The following SLC5A9 variants were observed in gnomAD, a reference collection of about 807,000 sequenced individuals.
SLC5A9 encodes the protein solute carrier family 5 member 9, also known as sodium/glucose cotransporter 4.
SLC5A9 carries 59 observed loss-of-function variants against 70.9 expected under a neutral mutation model. The observed-to-expected ratio is 0.83, with a 90% CI of 0.68 to 1.03. SLC5A9 has a LOEUF of 1.03. Among genes scored for constraint, SLC5A9 ranks in the 50% least tolerant of loss-of-function variants. SLC5A9 has a pLI of 0.00. For synonymous variants in SLC5A9, 340 were observed against 346.5 expected (o/e 0.98, Z 0.21); for missense variants, 832 against 881.1 (o/e 0.94, Z 0.71).
intron 13 of SLC5A9, among the ~76,000 whole-genome samples, chr1:48,244,855 T>G (rs1420223872): frequency 3.0e-5 from 1 of 33,660 alleles, no homozygotes; most frequent in Admixed American, 4.7e-4. Flanking sequence ...ATAAAACCTG[T>G]GTGTGTGTAT....
At chr1:48,225,862 AC>A (rs1445066487) in intron 2 of SLC5A9, among the ~76,000 whole-genome samples, 1 of 151,986 alleles carries the variant, frequency 6.6e-6, no homozygotes, top group Non-Finnish European at 1.5e-5. Flanking sequence ...ACATACTTAC[AC>A]GTGCACACTC....
chr1:48,231,501 C>A (rs760386213), intron 5 of SLC5A9, 44 bp from the exon 6 acceptor site: 3 of 1,609,764 alleles, frequency 1.9e-6, no homozygotes, highest in East Asian at 2.2e-5. Flanking sequence ...CAGAGAGGAC[C>A]CCAAACTGGT....
In SLC5A9 at chr1:48,230,670, T is replaced by A. The variant is rs1186739323; in HGVS notation, c.575T>A (p.Ile192Asn). The change falls in exon 5 of 14, where the codon ATC (isoleucine) becomes AAC (asparagine). Residue 192 changes from isoleucine (I) to asparagine (N), a missense_variant. Coordinates refer to ENST00000438567, the MANE Select transcript of SLC5A9 (RefSeq NM_001011547.3). ...TGGAACCTGTACCTCTCCACAGGGA[T>A]CCTGCTGGTGGTGACTGCCGTCTAC... ...LGWNLYLSTGILLVVTAVYTI... is the reference protein window; with the variant it reads ...LGWNLYLSTGNLLVVTAVYTI... 3.1e-6 allele frequency: 5 copies of A among 1,613,838 alleles called. No individual in the cohort carries two copies. Among genetic ancestry groups the A allele is most frequent in the Non-Finnish European group, 3.4e-6 (4 of 1,179,974 alleles).
chr1:48,226,568 AAGCTCAGTCCCACC>A (rs948388271), intron 2 of SLC5A9, among the ~76,000 whole-genome samples: 9 of 152,182 alleles, frequency 5.9e-5, no homozygotes, highest in African/African-American at 2.2e-4. Flanking sequence ...TGGGTAGGGA[AAGCTCAGTCCCACC>A]AGCACTGCTG....
At chr1:48,242,139 C>T (rs1423939104) in intron 12 of SLC5A9, 1 of 473,732 alleles carries the variant, frequency 2.1e-6, no homozygotes, top group African/African-American at 2.0e-5. Flanking sequence ...GACTTGTTCT[C>T]AAGTGCCTGC....
At chr1:48,229,027 G>A (rs1644206083) in intron 3 of SLC5A9, 73 bp downstream of exon 3, 1 of 1,613,614 alleles carries the variant, frequency 6.2e-7, no homozygotes, top group Non-Finnish European at 8.5e-7. Flanking sequence ...TTAGTGCTGG[G>A]AGGATCCTTA....
intron 9 of SLC5A9, among the ~76,000 whole-genome samples, chr1:48,235,455 T>C (rs961642126): frequency 6.6e-6 from 1 of 151,898 alleles, no homozygotes; most frequent in Non-Finnish European, 1.5e-5. Flanking sequence ...ATAGGATAGA[T>C]GAGGAAACTG....
intron 13 of SLC5A9, among the ~76,000 whole-genome samples, chr1:48,244,017 C>T (rs530111924): frequency 1.3e-5 from 2 of 152,090 alleles, no homozygotes; most frequent in African/African-American, 2.4e-5. Context: ...ATGTCAATAA[C>T]GTAGTAATAT....
Position 48,247,338 on chromosome 1 carries a change from C to A in SLC5A9, c.1841C>A (p.Pro614Gln), listed in dbSNP as rs1333465342. ...SSLGQEQPEA[P>Q]SRSWGKLLWS... ...TCTTCTGGCTTTGTCCCTCCAGCCC[C>A]AAGCAGGTCCTGGGGAAAGTTGCTC... is the stretch of plus-strand genomic sequence containing the variant. The change falls in exon 14 of 14, where the codon CCA becomes CAA. Residue 614 changes from proline to glutamine, a missense_variant. Transcript: ENST00000438567. 6.2e-7 allele frequency: 1 copy of A among 1,613,872 alleles called. No homozygotes were observed. The highest frequency in any genetic ancestry group is 8.5e-7 in the Non-Finnish European group (1 of 1,179,884).
chr1:48,231,959 G>A lies in SLC5A9; in HGVS notation c.705G>A (p.Val235=), dbSNP rs1644254052. Reference sequence around the variant, plus strand: ...GTCTCCTCACAGGCTTTCAGGACGTGGGCTGGTACCCAGGCCTGGAGCAGC... The same window carrying A: ...GTCTCCTCACAGGCTTTCAGGACGTAGGCTGGTACCCAGGCCTGGAGCAGC... ...LVLMFLGFQD[V]GWYPGLEQRY... Residue 235 remains valine, a synonymous_variant, in exon 7 of 14, where the codon GTG becomes GTA. Coordinates refer to ENST00000438567, the MANE Select transcript of SLC5A9 (RefSeq NM_001011547.3). The A allele has an allele frequency of 1.2e-6, 2 of 1,613,996 alleles. No homozygotes were observed. The highest frequency in any genetic ancestry group is 3.3e-5 in the Admixed American group (2 of 59,996).
intron 9 of SLC5A9, 45 bp from the exon 10 acceptor site, chr1:48,235,684 G>A (rs764416257): frequency 1.2e-5 from 19 of 1,610,878 alleles, no homozygotes; most frequent in African/African-American, 5.3e-5. Flanking sequence ...TGGAAGAGCC[G>A]GCCTTAATGG....
chr1:48,227,229 A>ATGT lies in SLC5A9; in HGVS notation c.235-1621_235-1620insTGT, dbSNP rs1557466822. On this transcript the variant is annotated intron_variant, in intron 2 of 13. Transcript: ENST00000438567. The stretch of plus-strand genomic sequence containing the variant: ...GAGTGCATGTGTGTGTGCATGTGTG[A>ATGT]GTGTGTGTGTACTGTGCCTGTGTGT... Among the ~76,000 whole-genome samples the ATGT allele has an allele frequency of 4.5e-4, 43 of 96,054 alleles. 1 individual carries two copies. The highest frequency in any genetic ancestry group is 1.8e-3 in the African/African-American group (38 of 21,364). The allele number at this position is 96,054 out of a possible 152,430, so 63.0% of individuals were successfully genotyped here. A position where few individuals can be genotyped will look rare whatever the true frequency, so the allele number is the denominator to read the frequency against.
chr1:48,230,169 C>T (rs527985939), intron 4 of SLC5A9, among the ~76,000 whole-genome samples: 2 of 152,360 alleles, frequency 1.3e-5, no homozygotes, highest in East Asian at 1.9e-4. Flanking sequence ...GGGCTCCTGC[C>T]GCATTGGGTC....
At chr1:48,234,642 G>T (rs1038737868) in intron 9 of SLC5A9, among the ~76,000 whole-genome samples, 1 of 152,160 alleles carries the variant, frequency 6.6e-6, no homozygotes, top group Non-Finnish European at 1.5e-5. Flanking sequence ...TTTAGGTGGT[G>T]GGCTTATAAT....
At chr1:48,227,522 AGTGT>A (rs745978927) in intron 2 of SLC5A9, among the ~76,000 whole-genome samples, 4 of 116,660 alleles carry the variant, frequency 3.4e-5, no homozygotes, top group Non-Finnish European at 5.1e-5. Flanking sequence ...TAATTGCATG[AGTGT>A]GTGTGTACTG....
At chr1:48,245,963 A>AAT (rs944312258) in intron 13 of SLC5A9, among the ~76,000 whole-genome samples, 4 of 151,156 alleles carry the variant, frequency 2.6e-5, no homozygotes, top group African/African-American at 7.3e-5. Flanking sequence ...CCTGTCTCAA[A>AAT]ATATATATAT....
At chr1:48,243,935 C>G (rs947434781) in intron 13 of SLC5A9, among the ~76,000 whole-genome samples, 2 of 152,038 alleles carry the variant, frequency 1.3e-5, no homozygotes, top group Non-Finnish European at 2.9e-5. Context: ...TCTCTGTCCC[C>G]AAGGAGGTGA....
rs1262729073 is a variant in SLC5A9, at chr1:48,239,353, G to C, written c.1493G>C (p.Gly498Ala). The change falls in exon 12 of 14, where the codon GGA becomes GCA. Residue 498 changes from glycine (G) to alanine (A), a missense_variant. Physicochemically the swap from Gly to Ala is moderately conservative, Grantham distance 60. Coordinates refer to ENST00000438567, the MANE Select transcript of SLC5A9 (RefSeq NM_001011547.3). The surrounding 1 kb of genome is among the most constrained non-coding windows in gnomAD (Gnocchi z 4.2). ...GAFWGLVFGL[G>A]VGLLRMILEF... ...TTCTGGGGCCTCGTGTTTGGCCTGG[G>C]AGTGGGGCTTCTGCGTATGATCCTG... 1.2e-6 allele frequency: 2 copies of C among 1,613,412 alleles called. No individual in the cohort carries two copies. The highest frequency in any genetic ancestry group is 4.5e-5 in the East Asian group (2 of 44,836).
chr1:48,246,748 G>A (rs1428731436), intron 13 of SLC5A9, among the ~76,000 whole-genome samples: 1 of 152,116 alleles, frequency 6.6e-6, no homozygotes, highest in Admixed American at 6.5e-5. Context: ...TCCTCATTTG[G>A]TAGTCAGAAC....
Sources: allele counts gnomAD v4.1 joint callset (sites outside exome capture counted in the v4.1 genomes callset), GRCh38; gene constraint gnomAD v4.1.1; non-coding constraint Gnocchi (gnomAD v3.1); transcripts MANE v1.5; gene names NCBI Gene and HGNC (gene_info 2026-07-23, HGNC 2026-07-21).